Variants in TFIP11 observed in about 807,000 individuals in gnomAD.
The protein encoded by TFIP11 is tuftelin interacting protein 11.
A neutral mutation model predicts 96.8 loss-of-function variants in TFIP11; 86 were observed. The observed-to-expected ratio is 0.89, with a 90% CI of 0.75 to 1.06. The LOEUF (loss-of-function observed/expected upper bound fraction) is 1.06, where lower values mean the gene tolerates loss of function less well. Ranked by LOEUF, TFIP11 falls within the 50% of genes least tolerant of loss-of-function variation. The probability of loss-of-function intolerance (pLI) is 0.00; values close to 1 mark genes in which losing one functional copy is unlikely to be tolerated. For synonymous variants in TFIP11, 405 were observed against 395.2 expected, an observed-to-expected ratio of 1.02 and a Z score of -0.29; for missense variants, 881 against 1,076.7, an observed-to-expected ratio of 0.82 and a Z score of 2.54.
rs367999332 is a variant in TFIP11, at chr22:26,507,436, C to A, written c.210-508G>T. Among the ~76,000 whole-genome samples the A allele has an allele frequency of 1.2e-3, 188 of 151,858 alleles. 2 individuals carry two copies. The South Asian group carries it at 0.013, about 10-fold the overall frequency. ...TGAATGTGAAAATTTCCAGCCAGGG[C>A]AACATGGTGAGACTTCGTCTCTATA... On this transcript the variant is annotated intron_variant, in intron 4 of 14. Transcript: ENST00000407690.
At chr22:26,512,239 C>G (rs141606538) in intron 1 of TFIP11, 64 bp from the exon 2 acceptor site, 22 of 152,388 alleles carry the variant, frequency 1.4e-4, no homozygotes, top group African/African-American at 4.1e-4. Flanking sequence ...CAGTTGACCC[C>G]AAGCAGCACC....
chr22:26,501,471 G>A (rs1403115086), intron 8 of TFIP11, among the ~76,000 whole-genome samples: 1 of 151,906 alleles, frequency 6.6e-6, no homozygotes, highest in Non-Finnish European at 1.5e-5. Flanking sequence ...CCAGATAAAA[G>A]CTAAATGTCT....
intron 10 of TFIP11, 21 bp from the exon 11 acceptor site, chr22:26,496,910 A>T (rs1417074435): frequency 4.3e-6 from 7 of 1,612,738 alleles, no homozygotes; most frequent in Non-Finnish European, 5.9e-6. Context: ...AAGGCAGAGG[A>T]CAGGCTGGTT....
At chr22:26,503,381 T>C (rs977790386) in intron 7 of TFIP11, among the ~76,000 whole-genome samples, 3 of 152,210 alleles carry the variant, frequency 2.0e-5, no homozygotes, top group Admixed American at 2.0e-4. Context: ...CCAGCCTATT[T>C]ATAAAAGTAG....
Position 26,492,296 on chromosome 22 carries a change from T to C in TFIP11, c.2231A>G (p.Gln744Arg). 2 of 1,614,218 alleles carry C rather than the reference T, an allele frequency of 1.2e-6. No homozygotes were observed. Among genetic ancestry groups the C allele is most frequent in the Non-Finnish European group, 1.7e-6 (2 of 1,180,030 alleles). ...CCGCCTCTCCTGCATGGCCTCGTAC[T>C]GGAAGTCCTTCCTCCGCTCCGTGTG... ...LTHTERRKDF[Q>R]YEAMQERREA... Residue 744 changes from glutamine to arginine, a missense_variant, in exon 15 of 15, where the codon CAG becomes CGG. Transcript: ENST00000407690.
At position 26,496,857 on chromosome 22, in the gene TFIP11, C is replaced by T. The variant is rs541912807; in HGVS notation, c.1469G>A (p.Arg490Gln). The T allele has an allele frequency of 1.9e-4, 302 of 1,614,088 alleles. No homozygotes were observed. Among genetic ancestry groups the T allele is most frequent in the Non-Finnish European group, 2.4e-4 (279 of 1,180,032 alleles). Residue 490 changes from arginine (R) to glutamine (Q), a missense_variant, in exon 11 of 15, where the codon CGA becomes CAA. By Grantham distance (43) the Arg-to-Gln change is conservative (BLOSUM62 1). Transcript: ENST00000407690. The part of the protein sequence containing the change: ...LIWEVWMPFV[R>Q]NIVTQWQPRN... ...TGGCTGCCACTGGGTGACAATATTT[C>T]GAACAAAAGGCATCCAGACTTCCCA...
At chr22:26,496,005 C>T in intron 12 of TFIP11, 68 bp downstream of exon 12, 1 of 1,562,868 alleles carries the variant, frequency 6.4e-7, no homozygotes, top group Non-Finnish European at 8.7e-7. Flanking sequence ...TTTAAATCAT[C>T]ACTGCTAACC....
chr22:26,500,436 T>G (rs1487904545), intron 8 of TFIP11, among the ~76,000 whole-genome samples: 2 of 152,218 alleles, frequency 1.3e-5, no homozygotes, highest in Non-Finnish European at 2.9e-5. Context: ...CCCAAAATGC[T>G]GGGATTACAG....
intron 7 of TFIP11, among the ~76,000 whole-genome samples, chr22:26,502,477 A>G (rs1922914757): frequency 6.6e-6 from 1 of 152,218 alleles, no homozygotes; most frequent in African/African-American, 2.4e-5. Context: ...CTCTCAAAGC[A>G]AAGGTGTCTC....
chr22:26,506,485 A>C (rs760651761), intron 5 of TFIP11, 26 bp from the exon 6 acceptor site: 1 of 1,582,574 alleles, frequency 6.3e-7, no homozygotes, highest in South Asian at 1.2e-5. Flanking sequence ...ATCAAAGCTT[A>C]GTTAATGGAA....
In TFIP11 at chr22:26,492,008, A is replaced by G. The variant is rs1921253404; in HGVS notation, c.*5T>C. ...GTCTCTGACTGGTTCTGGACCTGCC[A>G]CAGTTCACTTGGCCATGTCGATCAG... On this transcript the variant is annotated 3_prime_UTR_variant, in exon 15 of 15. Coordinates refer to ENST00000407690, the MANE Select transcript of TFIP11 (RefSeq NM_012143.4). 6.3e-7 allele frequency: 1 copy of G among 1,585,362 alleles called. No homozygotes were observed. Among genetic ancestry groups the G allele is most frequent in the African/African-American group, 1.3e-5 (1 of 74,200 alleles).
intron 13 of TFIP11, 141 bp downstream of exon 13, chr22:26,494,656 G>A: frequency 8.3e-7 from 1 of 1,200,652 alleles, no homozygotes; most frequent in Non-Finnish European, 1.2e-6. Context: ...TGCCCACTAT[G>A]AAGATGACCT....
In TFIP11 at chr22:26,491,906, TC is replaced by T; in HGVS notation, c.*106del. The T allele has an allele frequency of 8.5e-7, 1 of 1,177,108 alleles. No homozygotes were observed. The highest frequency in any genetic ancestry group is 2.6e-5 in the East Asian group (1 of 39,046). The allele number at this position is 1,177,108 out of a possible 1,614,324, so 72.9% of individuals were successfully genotyped here. On this transcript the variant is annotated 3_prime_UTR_variant, in exon 15 of 15. Coordinates refer to ENST00000407690, the MANE Select transcript of TFIP11 (RefSeq NM_012143.4). ...ATGACCTGGCCTGATGTGGAGTAGC[TC>T]CTGAGTAAAGAAGTTACCCTTTTGA...
intron 11 of TFIP11, 120 bp downstream of exon 11, chr22:26,496,601 G>A (rs1006830193): frequency 7.7e-7 from 1 of 1,300,924 alleles, no homozygotes; most frequent in African/African-American, 1.5e-5. Context: ...TAGGTCAATA[G>A]TTGTGTTGAC....
chr22:26,494,552 T>C, intron 13 of TFIP11: 1 of 697,612 alleles, frequency 1.4e-6, no homozygotes, highest in African/African-American at 1.8e-5. Flanking sequence ...GGATACCATA[T>C]CCCCTACCCC....
intron 12 of TFIP11, among the ~76,000 whole-genome samples, chr22:26,495,437 C>T (rs1445617112): frequency 6.6e-6 from 1 of 151,718 alleles, no homozygotes; most frequent in Non-Finnish European, 1.5e-5. Flanking sequence ...GCCACCACAC[C>T]TGGCTGGTTT....
Position 26,494,438 on chromosome 22 carries a change from A to G in TFIP11, c.1993-134T>C, listed in dbSNP as rs2147120271. ...TACTTTACAGGGATTTATAGTAGCT[A>G]AACAGTCTAGCACTTATGAATATGG... On this transcript the variant is annotated intron_variant, in intron 13 of 14. Transcript: ENST00000407690. The G allele has an allele frequency of 6.5e-6, 7 of 1,082,878 alleles. No homozygotes were observed. In the South Asian group the frequency reaches 9.7e-5, roughly 15 times the overall value. 67.1% of individuals were successfully genotyped at this position (1,082,878 alleles called of 1,614,324 possible).
In TFIP11 at chr22:26,510,126, G is replaced by A. The variant is rs141979927; in HGVS notation, c.147C>T (p.Ala49=). The A allele has an allele frequency of 2.3e-4, 367 of 1,614,146 alleles. 4 individuals are homozygous for A. Among genetic ancestry groups the A allele is most frequent in the Middle Eastern group, 3.3e-4 (2 of 6,054 alleles). The change falls in exon 4 of 15, where the codon GCC becomes GCT. Residue 49 remains alanine, a synonymous_variant. Transcript: ENST00000407690. The part of the protein sequence containing the change: ...RQRHWQTKEE[A]TYGVWAERDS... ...CTCGCTCTGCCCACACCCCGTAGGT[G>A]GCTTCTTCCTTGGTCTGCCAGTGGC...
At position 26,506,867 on chromosome 22, in the gene TFIP11, C is replaced by T; in HGVS notation, c.271G>A (p.Glu91Lys). Residue 91 changes from glutamate to lysine, a missense_variant, in exon 5 of 15, where the codon GAG (glutamate) becomes AAG (lysine). By Grantham distance (56) the Glu-to-Lys change is moderately conservative. Coordinates refer to ENST00000407690, the MANE Select transcript of TFIP11 (RefSeq NM_012143.4). ...TCAGAATCTTCCAACTCTGCCTCCT[C>T]CGCTGCCCCTTTCTTGAGCCCTGCG... ...ISAGLKKGAA[E>K]EAELEDSDDE... 6.2e-7 allele frequency: 1 copy of T among 1,614,230 alleles called. No individual in the cohort carries two copies. The highest frequency in any genetic ancestry group is 8.5e-7 in the Non-Finnish European group (1 of 1,180,048).
Sources: allele counts gnomAD v4.1 joint callset (sites outside exome capture counted in the v4.1 genomes callset), GRCh38; gene constraint gnomAD v4.1.1; transcripts MANE v1.5; gene names NCBI Gene and HGNC (gene_info 2026-07-23, HGNC 2026-07-21).